TVP23A: variants seen among roughly 807,000 people sequenced by gnomAD.
The protein encoded by TVP23A is Golgi apparatus membrane protein TVP23 homolog A.
A neutral mutation model predicts 31.7 loss-of-function variants in TVP23A; 21 were observed. The observed-to-expected ratio is 0.66, with a 90% CI of 0.47 to 0.95. The LOEUF is 0.95. Ranked by LOEUF, TVP23A falls within the 40% of genes least tolerant of loss-of-function variation. TVP23A has a pLI of 0.00. For synonymous variants in TVP23A, 104 were observed against 96.0 expected, an observed-to-expected ratio of 1.08 and a Z score of -0.49; for missense variants, 279 against 255.6, an observed-to-expected ratio of 1.09 and a Z score of -0.62.
intron 2 of TVP23A, among the ~76,000 whole-genome samples, chr16:10,776,057 T>A (rs185925986): frequency 1.1e-4 from 16 of 151,694 alleles, no homozygotes; most frequent in African/African-American, 3.4e-4. Context: ...CCTTATTTTT[T>A]TTATTATTAT....
Position 10,767,917 on chromosome 16 carries a change from C to CTGAA in TVP23A, c.*1181_*1184dup. 1 of 1,603,324 alleles carries CTGAA rather than the reference C, an allele frequency of 6.2e-7. No individual in the cohort carries two copies. The highest frequency in any genetic ancestry group is 8.5e-7 in the Non-Finnish European group (1 of 1,170,274). On this transcript the variant is annotated 3_prime_UTR_variant, in exon 8 of 8. Coordinates refer to ENST00000299866, the MANE Select transcript of TVP23A (RefSeq NM_001079512.4). The surrounding 1 kb of genome is among the most constrained non-coding windows in gnomAD (Gnocchi z 4.6). ...GTGGCCATTCTGTTTTCCTCTTGGA[C>CTGAA]TGAATTGTCTTCCGTTTGTTTCTTT...
rs2032114537 is a variant in TVP23A, at chr16:10,777,470, G to A, written c.90-2374C>T. ...GATCCACACAGAACTGCAGGGGAAA[G>A]CGCCTGCTCATTCTCCCCAAGAAGA... On this transcript the variant is annotated intron_variant, in intron 2 of 7. Transcript: ENST00000299866. This position sits in a 1 kb window ranked among gnomAD's most constrained non-coding sequence, Gnocchi z 4.5. Among the ~76,000 whole-genome samples, 1 of 152,140 alleles carries A rather than the reference G, an allele frequency of 6.6e-6. No individual in the cohort carries two copies. Among genetic ancestry groups the A allele is most frequent in the Non-Finnish European group, 1.5e-5 (1 of 68,018 alleles).
intron 2 of TVP23A, among the ~76,000 whole-genome samples, chr16:10,794,164 C>T (rs1329552171): frequency 1.3e-5 from 2 of 152,170 alleles, no homozygotes; most frequent in Non-Finnish European, 2.9e-5. Flanking sequence ...GCACAGCCCT[C>T]ACGGCCGAAT....
chr16:10,809,058 C>T (rs192001554), intron 2 of TVP23A, among the ~76,000 whole-genome samples: 247 of 152,274 alleles, frequency 1.6e-3, no homozygotes, highest in African/African-American at 5.6e-3. Flanking sequence ...CTCTGCACAG[C>T]CCAGGATGCG....
At chr16:10,770,747 T>C (rs2031536523) in intron 6 of TVP23A, among the ~76,000 whole-genome samples, 1 of 151,422 alleles carries the variant, frequency 6.6e-6, no homozygotes, top group Non-Finnish European at 1.5e-5. Flanking sequence ...GTTATGCACC[T>C]GTAATCCCAG....
chr16:10,780,241 G>C (rs1312667104), intron 2 of TVP23A, among the ~76,000 whole-genome samples: 1 of 152,182 alleles, frequency 6.6e-6, no homozygotes, highest in Non-Finnish European at 1.5e-5. Context: ...AGGTGCTGGG[G>C]TGATTACCCT....
At chr16:10,803,336 A>C (rs2033800212) in intron 2 of TVP23A, among the ~76,000 whole-genome samples, 1 of 151,854 alleles carries the variant, frequency 6.6e-6, no homozygotes, top group African/African-American at 2.4e-5. Flanking sequence ...ACAACAACAA[A>C]AACACATAAA....
chr16:10,761,373 C>G, exon 9 of TVP23A: 1 of 1,614,016 alleles, frequency 6.2e-7, no homozygotes, highest in South Asian at 1.1e-5. Context: ...GGAGGTGTCA[C>G]TCCAGGATGT....
chr16:10,798,101 A>G (rs957896388), intron 2 of TVP23A, among the ~76,000 whole-genome samples: 4 of 150,764 alleles, frequency 2.7e-5, no homozygotes, highest in Non-Finnish European at 4.4e-5. Context: ...GACTACAGGC[A>G]CCTGCCACCA....
chr16:10,781,792 T>A (rs2032436462), intron 2 of TVP23A, among the ~76,000 whole-genome samples: 1 of 146,554 alleles, frequency 6.8e-6, no homozygotes, highest in African/African-American at 2.5e-5. Context: ...AGATAAGCTA[T>A]AAATCTCCCT....
At chr16:10,816,320 T>C (rs577442526) in intron 2 of TVP23A, among the ~76,000 whole-genome samples, 1 of 140,648 alleles carries the variant, frequency 7.1e-6, no homozygotes, top group South Asian at 2.1e-4. Context: ...GCAGATGTAA[T>C]TTAATTATTT....
chr16:10,782,152 G>A (rs926081372), intron 2 of TVP23A, among the ~76,000 whole-genome samples: 5 of 151,910 alleles, frequency 3.3e-5, no homozygotes, highest in African/African-American at 9.7e-5. Flanking sequence ...GTGAGCTACC[G>A]TACCTGGCCA....
chr16:10,772,059 C>CT (rs2031666518), intron 5 of TVP23A, among the ~76,000 whole-genome samples: 1 of 152,092 alleles, frequency 6.6e-6, no homozygotes. Context: ...GCAAAGGTCA[C>CT]TTTCTAAGAG....
chr16:10,770,128 C>T, intron 7 of TVP23A, 144 bp downstream of exon 7: 5 of 1,030,232 alleles, frequency 4.9e-6, no homozygotes, highest in East Asian at 2.7e-5. Context: ...GCCCATTGCC[C>T]AGTCTGCTTC....
intron 2 of TVP23A, among the ~76,000 whole-genome samples, chr16:10,787,865 C>T (rs1188412053): frequency 6.6e-6 from 1 of 152,168 alleles, no homozygotes; most frequent in African/African-American, 2.4e-5. Context: ...TCACTTTGAG[C>T]CTCACATTAT....
In TVP23A at chr16:10,761,468, G is replaced by A. The variant is rs200400312; in HGVS notation, c.*307C>T. ...ACATGAGTGGCTTCATCTGTCCTAA[G>A]TGCAAGGTGAGGGCGCGTGGGGCTG... On this transcript the variant is annotated 3_prime_UTR_variant and NMD_transcript_variant, in exon 9 of 9. Coordinates refer to the TVP23A transcript ENST00000456096. The A allele has an allele frequency of 5.6e-6, 9 of 1,613,878 alleles. No individual in the cohort carries two copies. In the Admixed American group the frequency reaches 1.5e-4, roughly 27 times the overall value.
chr16:10,793,685 A>G (rs1336682170), intron 2 of TVP23A, among the ~76,000 whole-genome samples: 1 of 152,004 alleles, frequency 6.6e-6, no homozygotes, highest in Non-Finnish European at 1.5e-5. Context: ...ACTTGAGCTC[A>G]GGAGTTTGAG....
intron 2 of TVP23A, among the ~76,000 whole-genome samples, chr16:10,790,519 T>G (rs1198635069): frequency 6.6e-6 from 1 of 152,138 alleles, no homozygotes; most frequent in Admixed American, 6.5e-5. Context: ...TCTCCTCACC[T>G]TGTGATCCGC....
intron 2 of TVP23A, among the ~76,000 whole-genome samples, chr16:10,808,912 C>T (rs2034068129): frequency 6.6e-6 from 1 of 152,166 alleles, no homozygotes; most frequent in Non-Finnish European, 1.5e-5. Context: ...GGTGGAAATT[C>T]ATGGAAGCCC....
Sources: allele counts gnomAD v4.1 joint callset (sites outside exome capture counted in the v4.1 genomes callset), GRCh38; gene constraint gnomAD v4.1.1; non-coding constraint Gnocchi (gnomAD v3.1); transcripts MANE v1.5; gene names NCBI Gene and HGNC (gene_info 2026-07-23, HGNC 2026-07-21).